Variants in TMEM265 observed in about 807,000 individuals in gnomAD.
The protein encoded by TMEM265 is transmembrane protein 265.
A neutral mutation model predicts 9.5 loss-of-function variants in TMEM265; 8 were observed. The observed-to-expected ratio is 0.84, with a 90% CI of 0.49 to 1.52. TMEM265 has a LOEUF of 1.52. Ranked by LOEUF, TMEM265 falls within the 40% of genes most tolerant of loss-of-function variation. The pLI is 0.00. For missense variants in TMEM265, 152 were observed against 146.2 expected (o/e 1.04, Z -0.21); for synonymous variants, 53 against 56.9 (o/e 0.93, Z 0.31).
chr16:30,741,769 A>C lies in TMEM265; in HGVS notation c.26A>C (p.Glu9Ala). 6.5e-7 allele frequency: 1 copy of C among 1,533,946 alleles called. No homozygotes were observed. The highest frequency in any genetic ancestry group is 1.4e-5 in the African/African-American group (1 of 73,092). Residue 9 changes from glutamate (E) to alanine (A), a missense_variant, in exon 2 of 3, where the codon GAG becomes GCG. Transcript: ENST00000615541. ...ATGGAGGACGAGGAGAAGGCAGTGG[A>C]GATCTTGGGCAACACGGAAGCTGCT... MEDEEKAV[E>A]ILGNTEAAHP...
At chr16:30,741,675 A>G in intron 1 of TMEM265, 66 bp from the exon 2 acceptor site, 1 of 1,456,686 alleles carries the variant, frequency 6.9e-7, no homozygotes, top group Non-Finnish European at 9.1e-7. Flanking sequence ...AGAGGGGTGG[A>G]GTCTGAGCAA....
rs2053245767 is a variant in TMEM265, at chr16:30,744,674, C to G, written c.*731C>G. The G allele has an allele frequency of 6.6e-6, 1 of 152,158 alleles. No individual in the cohort carries two copies. Among genetic ancestry groups the G allele is most frequent in the African/African-American group, 2.4e-5 (1 of 41,424 alleles). The allele number at this position is 152,158 out of a possible 1,614,324, so 9.4% of individuals were successfully genotyped here. ...CTGAGTGAAAACTGGAAGAAATGTT[C>G]TAAAATGACAGTGTTCTCGTTTTAT... is the stretch of plus-strand genomic sequence containing the variant. On this transcript the variant is annotated 3_prime_UTR_variant, in exon 3 of 3. Coordinates refer to ENST00000615541, the MANE Select transcript of TMEM265 (RefSeq NM_001256829.2).
In TMEM265 at chr16:30,744,091, C is replaced by T. The variant is rs574722502; in HGVS notation, c.*148C>T. 8.3e-5 allele frequency: 78 copies of T among 941,346 alleles called. No individual in the cohort carries two copies. Among genetic ancestry groups the T allele is most frequent in the Non-Finnish European group, 1.1e-4 (71 of 659,658 alleles). The allele number at this position is 941,346 out of a possible 1,614,324, so 58.3% of individuals were successfully genotyped here. On this transcript the variant is annotated 3_prime_UTR_variant, in exon 3 of 3. Transcript: ENST00000615541. ...GGGGCTTTGGAAGAGCTCTTCTAGC[C>T]CTTTATAAAAGGAGGGCAGCAGCTG...
chr16:30,741,840 T>G lies in TMEM265; in HGVS notation c.97T>G (p.Leu33Val). The change falls in exon 2 of 3, where the codon TTG becomes GTG. Residue 33 changes from leucine to valine, a missense_variant. Leu to Val is a conservative substitution (Grantham distance 32). Transcript: ENST00000615541. The stretch of plus-strand genomic sequence containing the variant: ...CTGCTGCTGGCTCCGCCTCCGCTGC[T>G]TGGCAGCTACTAGCATTATCTGTGG... The part of the protein sequence containing the change: ...IRCCWLRLRC[L>V]AATSIICGCS... 9 of 1,533,976 alleles carry G rather than the reference T, an allele frequency of 5.9e-6. No individual in the cohort carries two copies. Among genetic ancestry groups the G allele is most frequent in the Non-Finnish European group, 7.8e-6 (9 of 1,146,734 alleles).
chr16:30,742,019 A>G, intron 2 of TMEM265, 111 bp downstream of exon 2: 1 of 1,146,750 alleles, frequency 8.7e-7, no homozygotes, highest in Non-Finnish European at 1.2e-6. Flanking sequence ...CTCTGGGCCT[A>G]GTGCCAGAAA....
rs758270448 is a variant in TMEM265 at position 30,741,824 on chromosome 16, G to T, written c.81G>T (p.Trp27Cys). 327 of 1,533,868 alleles carry T rather than the reference G, an allele frequency of 2.1e-4. No individual in the cohort carries two copies. The highest frequency in any genetic ancestry group is 2.8e-4 in the Non-Finnish European group (320 of 1,146,746). ...AHPPSPIRCC[W>C]LRLRCLAATS... Reference sequence around the variant, plus strand: ...CTCCATCCCCCATCCGCTGCTGCTGGCTCCGCCTCCGCTGCTTGGCAGCTA... The same window carrying T: ...CTCCATCCCCCATCCGCTGCTGCTGTCTCCGCCTCCGCTGCTTGGCAGCTA... The change falls in exon 2 of 3, where the codon TGG becomes TGT. Residue 27 changes from tryptophan to cysteine, a missense_variant. By Grantham distance (215) the Trp-to-Cys change is radical. Coordinates refer to ENST00000615541, the MANE Select transcript of TMEM265 (RefSeq NM_001256829.2).
rs1028197822 is a variant in TMEM265, at chr16:30,741,927, A to C, written c.165+19A>C. 3.4e-5 allele frequency: 52 copies of C among 1,531,848 alleles called. 1 individual carries two copies. The highest frequency in any genetic ancestry group is 4.9e-5 in the East Asian group (2 of 40,896). 94.9% of individuals were successfully genotyped at this position (1,531,848 alleles called of 1,614,324 possible). A position where few individuals can be genotyped will look rare whatever the true frequency, so the allele number is the denominator to read the frequency against. Reference sequence around the variant, plus strand: ...CATCAAGGTGAGGAGTGCAATTCCCATGGGAATGGGGGTGGGTATAAGGCA... The same window carrying C: ...CATCAAGGTGAGGAGTGCAATTCCCCTGGGAATGGGGGTGGGTATAAGGCA... On this transcript the variant is annotated intron_variant, in intron 2 of 2. Coordinates refer to ENST00000615541, the MANE Select transcript of TMEM265 (RefSeq NM_001256829.2).
chr16:30,741,712 C>G (rs2053227012), intron 1 of TMEM265, 29 bp from the exon 2 acceptor site: 1 of 1,519,928 alleles, frequency 6.6e-7, no homozygotes, highest in Non-Finnish European at 8.8e-7. Context: ...TGTTGTTGGG[C>G]TCACAAGTAC....
At chr16:30,742,927 A>G (rs1371590491) in intron 2 of TMEM265, among the ~76,000 whole-genome samples, 1 of 145,042 alleles carries the variant, frequency 6.9e-6, no homozygotes, top group Non-Finnish European at 1.5e-5. Flanking sequence ...TCTGTCTCAA[A>G]AAAAAAAAAA....
rs1391189038 is a variant in TMEM265 at position 30,744,191 on chromosome 16, C to G, written c.*248C>G. ...CCCCATCTCCCCTACCCTAGCCCACCCTAGGGCCTCTACCCAGCGGGAGGG... is the reference window on the plus strand; with the variant it reads ...CCCCATCTCCCCTACCCTAGCCCACGCTAGGGCCTCTACCCAGCGGGAGGG... On this transcript the variant is annotated 3_prime_UTR_variant, in exon 3 of 3. Transcript: ENST00000615541. 2 of 398,642 alleles carry G rather than the reference C, an allele frequency of 5.0e-6. No individual in the cohort carries two copies. Among genetic ancestry groups the G allele is most frequent in the African/African-American group, 4.1e-5 (2 of 49,082 alleles). 24.7% of individuals were successfully genotyped at this position (398,642 alleles called of 1,614,324 possible).
chr16:30,743,777 C>T lies in TMEM265; in HGVS notation c.166-5C>T. ...GAGAACCTAACCAAGAACCTGCCCC[C>T]ACAGGCGGAAGAGCGGCATAAAGCA... On this transcript the variant is annotated splice_region_variant and splice_polypyrimidine_tract_variant and intron_variant, in intron 2 of 2. Coordinates refer to ENST00000615541, the MANE Select transcript of TMEM265 (RefSeq NM_001256829.2). The T allele has an allele frequency of 1.3e-6, 2 of 1,521,020 alleles. No homozygotes were observed. Among genetic ancestry groups the T allele is most frequent in the Non-Finnish European group, 1.8e-6 (2 of 1,138,058 alleles). The allele number at this position is 1,521,020 out of a possible 1,614,324, so 94.2% of individuals were successfully genotyped here.
intron 2 of TMEM265, among the ~76,000 whole-genome samples, chr16:30,743,015 C>T (rs1329928044): frequency 6.6e-6 from 1 of 152,038 alleles, no homozygotes; most frequent in African/African-American, 2.4e-5. Flanking sequence ...TCTTCTCAAC[C>T]CTAGACATAT....
In TMEM265 at chr16:30,743,871, C is replaced by T; in HGVS notation, c.255C>T (p.Val85=). 6.5e-7 allele frequency: 1 copy of T among 1,533,980 alleles called. No individual in the cohort carries two copies. Among genetic ancestry groups the T allele is most frequent in the Middle Eastern group, 2.3e-4 (1 of 4,358 alleles). ...ARKLILASFA[V]WLAVLILGPL... The stretch of plus-strand genomic sequence containing the variant: ...AACTCATCCTGGCCAGCTTTGCTGT[C>T]TGGCTTGCTGTCCTCATTCTGGGTC... Residue 85 remains valine (V), a synonymous_variant, in exon 3 of 3, where the codon GTC becomes GTT. Coordinates refer to ENST00000615541, the MANE Select transcript of TMEM265 (RefSeq NM_001256829.2).
intron 2 of TMEM265, among the ~76,000 whole-genome samples, chr16:30,742,381 G>C (rs2053231545): frequency 6.6e-6 from 1 of 152,070 alleles, no homozygotes; most frequent in South Asian, 2.1e-4. Flanking sequence ...GATTCCCAAG[G>C]GCCTCCAGTT....
intron 1 of TMEM265, 56 bp downstream of exon 1, chr16:30,740,763 TCCTCCTGTTGACTCTGTGCTTA>T (rs2053216356): frequency 2.0e-5 from 3 of 152,234 alleles, no homozygotes; most frequent in African/African-American, 7.2e-5. Context: ...CCTCCTTGTG[TCCTCCTGTTGACTCTGTGCTTA>T]CCTCATCTGA....
At chr16:30,741,609 C>A in intron 1 of TMEM265, 132 bp from the exon 2 acceptor site, 1 of 972,550 alleles carries the variant, frequency 1.0e-6, no homozygotes, top group South Asian at 1.8e-5. Context: ...AGAGGAATTC[C>A]CCAGTAAGGC....
Position 30,744,050 on chromosome 16 carries a change from A to T in TMEM265, c.*107A>T, listed in dbSNP as rs1008995204. On this transcript the variant is annotated 3_prime_UTR_variant, in exon 3 of 3. Transcript: ENST00000615541. ...GGTTGGAAGGATCCTGGTTGGAAGGATGGGGACTCTCTCAAGGGGCTTTGG... is the reference window on the plus strand; with the variant it reads ...GGTTGGAAGGATCCTGGTTGGAAGGTTGGGGACTCTCTCAAGGGGCTTTGG... The T allele has an allele frequency of 3.8e-6, 5 of 1,311,238 alleles. No individual in the cohort carries two copies. The African/African-American group carries it at 7.4e-5, about 19-fold the overall frequency. 81.2% of individuals were successfully genotyped at this position (1,311,238 alleles called of 1,614,324 possible). A position where few individuals can be genotyped will look rare whatever the true frequency, so the allele number is the denominator to read the frequency against.
At chr16:30,741,546 C>T (rs1246231791) in intron 1 of TMEM265, 195 bp from the exon 2 acceptor site, 2 of 559,408 alleles carry the variant, frequency 3.6e-6, no homozygotes, top group South Asian at 3.0e-5. Flanking sequence ...GAACCTCAAG[C>T]TTAGGTAAAA....
intron 1 of TMEM265, 119 bp from the exon 2 acceptor site, chr16:30,741,622 C>T (rs562980036): frequency 8.9e-7 from 1 of 1,122,466 alleles, no homozygotes; most frequent in East Asian, 2.6e-5. Context: ...AGTAAGGCAA[C>T]ATTCCTGAGT....
Sources: allele counts gnomAD v4.1 joint callset (sites outside exome capture counted in the v4.1 genomes callset), GRCh38; gene constraint gnomAD v4.1.1; transcripts MANE v1.5; gene names NCBI Gene and HGNC (gene_info 2026-07-23, HGNC 2026-07-21).